Variants in GABRG3 observed in about 807,000 individuals in gnomAD.
GABRG3 encodes gamma-aminobutyric acid type A receptor subunit gamma3.
A neutral mutation model predicts 48.8 loss-of-function variants in GABRG3; 25 were observed. That is an observed-to-expected ratio of 0.51 (90% CI 0.37 to 0.72). GABRG3 has a LOEUF of 0.72. GABRG3 is among the 30% of genes least tolerant of loss of function. The pLI is 0.00. For missense variants in GABRG3, 394 were observed against 577.9 expected (o/e 0.68, Z 3.26); for synonymous variants, 227 against 217.6 (o/e 1.04, Z -0.38).
chr15:27,338,049 G>C (rs1307288846), intron 5 of GABRG3, among the ~76,000 whole-genome samples: 1 of 152,138 alleles, frequency 6.6e-6, no homozygotes, highest in African/African-American at 2.4e-5. Flanking sequence ...TTAAAGCTAA[G>C]AAATACTAGT....
chr15:27,106,555 A>G (rs1356057412), intron 3 of GABRG3, among the ~76,000 whole-genome samples: 2 of 152,048 alleles, frequency 1.3e-5, no homozygotes, highest in Non-Finnish European at 2.9e-5. Context: ...AATCCAAAGC[A>G]GGCAGAAGGA....
chr15:27,044,280 C>T (rs958864116), intron 3 of GABRG3, among the ~76,000 whole-genome samples: 1 of 152,108 alleles, frequency 6.6e-6, no homozygotes, highest in Non-Finnish European at 1.5e-5. Flanking sequence ...TATTTTGTGC[C>T]AGTCACTGTT....
chr15:27,465,275 A>C (rs1889571796), intron 5 of GABRG3, among the ~76,000 whole-genome samples: 1 of 152,228 alleles, frequency 6.6e-6, no homozygotes, highest in African/African-American at 2.4e-5. Context: ...ATGTGTAAGC[A>C]TGTCTAGACT....
chr15:27,141,010 CT>C (rs1898092471), intron 3 of GABRG3, among the ~76,000 whole-genome samples: 1 of 151,978 alleles, frequency 6.6e-6, no homozygotes, highest in Non-Finnish European at 1.5e-5. Flanking sequence ...TGTGTGGTTG[CT>C]TTTTTTGTTA....
At chr15:27,212,709 T>G (rs1009179248) in intron 3 of GABRG3, among the ~76,000 whole-genome samples, 3 of 152,180 alleles carry the variant, frequency 2.0e-5, no homozygotes, top group African/African-American at 7.2e-5. Context: ...AACTTTGTAC[T>G]CACGAAACAC....
At chr15:27,224,767 C>T (rs1889559601) in intron 3 of GABRG3, among the ~76,000 whole-genome samples, 1 of 152,240 alleles carries the variant, frequency 6.6e-6, no homozygotes, top group Non-Finnish European at 1.5e-5. Context: ...TTCTTGCATG[C>T]TGTGCATATA....
intron 5 of GABRG3, among the ~76,000 whole-genome samples, chr15:27,451,972 G>T (rs1889125931): frequency 6.6e-6 from 1 of 152,304 alleles, no homozygotes; most frequent in South Asian, 2.1e-4. Context: ...TTGGTGATCT[G>T]CTGGTTATCT....
At chr15:27,377,775 A>C (rs1054727965) in intron 5 of GABRG3, among the ~76,000 whole-genome samples, 2 of 152,250 alleles carry the variant, frequency 1.3e-5, no homozygotes, top group African/African-American at 4.8e-5. Context: ...ATGTATCTGT[A>C]AAGGTGCCTT....
chr15:27,079,299 A>G (rs571245351), intron 3 of GABRG3, among the ~76,000 whole-genome samples: 49 of 152,328 alleles, frequency 3.2e-4, no homozygotes, highest in African/African-American at 1.1e-3. Context: ...ATAGTGCCAA[A>G]AAAAAGGCAA....
intron 5 of GABRG3, among the ~76,000 whole-genome samples, chr15:27,333,372 C>T (rs186591051): frequency 6.6e-5 from 10 of 152,246 alleles, no homozygotes; most frequent in South Asian, 2.1e-4. Context: ...ATCTGTGCCC[C>T]GGCCTTTTTC....
chr15:27,424,131 G>A lies in GABRG3; in HGVS notation c.575-56519G>A, dbSNP rs181730886. Among the ~76,000 whole-genome samples the A allele has an allele frequency of 4.1e-4, 62 of 152,128 alleles. 1 individual carries two copies. Among genetic ancestry groups the A allele is most frequent in the Non-Finnish European group, 7.5e-4 (51 of 67,998 alleles). ...TTGGAATGTCCTGCTTGATGAGAAC[G>A]TCTTTGCTTACCTGGGGTCCCTGGG... is the stretch of plus-strand genomic sequence containing the variant. On this transcript the variant is annotated intron_variant, in intron 5 of 9. Transcript: ENST00000615808.
intron 3 of GABRG3, among the ~76,000 whole-genome samples, chr15:27,096,786 C>T (rs538121675): frequency 2.6e-5 from 4 of 151,014 alleles, no homozygotes; most frequent in African/African-American, 4.9e-5. Flanking sequence ...TCCAACTCTA[C>T]GTGAAAGCAC....
intron 5 of GABRG3, among the ~76,000 whole-genome samples, chr15:27,423,466 A>ATCTGGAC (rs1228162654): frequency 6.6e-6 from 1 of 151,578 alleles, no homozygotes; most frequent in African/African-American, 2.4e-5. Context: ...CTATTATCAA[A>ATCTGGAC]TCTGGACTCA....
intron 2 of GABRG3, among the ~76,000 whole-genome samples, chr15:26,994,002 C>T (rs67093025): frequency 0.14 from 20,940 of 151,784 alleles, 1,950 homozygotes; most frequent in African/African-American, 0.26. Flanking sequence ...AAATCTGTTT[C>T]GTCTGATATA....
At chr15:27,292,657 A>G (rs2140487368) in intron 3 of GABRG3, among the ~76,000 whole-genome samples, 2 of 152,316 alleles carry the variant, frequency 1.3e-5, no homozygotes, top group South Asian at 4.1e-4. Flanking sequence ...CTCTATTAGC[A>G]TAAAACAAAA....
At position 27,083,697 on chromosome 15, in the gene GABRG3, T is replaced by C. The variant is rs114263042; in HGVS notation, c.270+56876T>C. ...GTTATATGCAATGGCCAAAAAACCATGGCCTCATGAAGGATGTTGAAATCT... is the reference window on the plus strand; with the variant it reads ...GTTATATGCAATGGCCAAAAAACCACGGCCTCATGAAGGATGTTGAAATCT... On this transcript the variant is annotated intron_variant, in intron 3 of 9. Coordinates refer to ENST00000615808, the MANE Select transcript of GABRG3 (RefSeq NM_033223.5). Among the ~76,000 whole-genome samples, 480 of 152,290 alleles carry C rather than the reference T, an allele frequency of 3.2e-3. 2 individuals carry two copies. Among genetic ancestry groups the C allele is most frequent in the African/African-American group, 0.011 (449 of 41,546 alleles).
intron 3 of GABRG3, among the ~76,000 whole-genome samples, chr15:27,211,286 T>C (rs191421407): frequency 6.6e-6 from 1 of 152,272 alleles, no homozygotes; most frequent in Admixed American, 6.5e-5. Flanking sequence ...TACAAAACAT[T>C]ATTATAGAAA....
At chr15:27,029,819 G>A (rs1483945141) in intron 3 of GABRG3, among the ~76,000 whole-genome samples, 5 of 152,142 alleles carry the variant, frequency 3.3e-5, no homozygotes, top group Non-Finnish European at 7.3e-5. Context: ...CCCTCAGGAG[G>A]CAGGGGCCTC....
intron 2 of GABRG3, among the ~76,000 whole-genome samples, chr15:26,986,856 G>A (rs1329163902): frequency 3.9e-5 from 6 of 152,156 alleles, no homozygotes; most frequent in Non-Finnish European, 8.8e-5. Context: ...GTGTTTGAGT[G>A]AGAAAAGATC....
Sources: allele counts gnomAD v4.1 joint callset (sites outside exome capture counted in the v4.1 genomes callset), GRCh38; gene constraint gnomAD v4.1.1; transcripts MANE v1.5; gene names NCBI Gene and HGNC (gene_info 2026-07-23, HGNC 2026-07-21).